Variants in STARD13 observed in about 807,000 individuals in gnomAD.
STARD13 encodes the protein StAR related lipid transfer domain containing 13, also known as stAR-related lipid transfer protein 13.
STARD13 carries 62 observed loss-of-function variants against 106.4 expected under a neutral mutation model. The ratio of observed to expected loss-of-function variants is 0.58; its 90% CI spans 0.48 to 0.72. The LOEUF (loss-of-function observed/expected upper bound fraction) is 0.72. STARD13 is among the 30% of genes least tolerant of loss of function. The pLI, the probability that STARD13 is intolerant of heterozygous loss-of-function variation, is 0.00. For missense variants in STARD13, 1,387 were observed against 1,424.0 expected (o/e 0.97, Z 0.42); for synonymous variants, 565 against 553.0 (o/e 1.02, Z -0.31).
the STARD13 span, among the ~76,000 whole-genome samples, chr13:33,525,076 C>T: frequency 3.3e-5 from 5 of 151,898 alleles, no homozygotes; most frequent in Admixed American, 1.3e-4. Flanking sequence ...GGCTGGAGTG[C>T]GGTGGCATGA....
chr13:33,355,243 A>G (rs1317189092), upstream of STARD13: 1 of 152,178 alleles, frequency 6.6e-6, no homozygotes, highest in Non-Finnish European at 1.5e-5. Context: ...CCCACCACCT[A>G]CACATCTGAA....
chr13:33,315,551 T>C (rs532212125), intron 1 of STARD13, among the ~76,000 whole-genome samples: 1 of 152,318 alleles, frequency 6.6e-6, no homozygotes, highest in African/African-American at 2.4e-5. Context: ...CAATGGTAAA[T>C]AGAAACTCTT....
chr13:33,369,908 G>A, the STARD13 span, among the ~76,000 whole-genome samples: 1 of 152,072 alleles, frequency 6.6e-6, no homozygotes. Flanking sequence ...TTCTCCAGAT[G>A]TTTCTAGTGT....
chr13:33,409,936 A>G, the STARD13 span, among the ~76,000 whole-genome samples: 13 of 152,222 alleles, frequency 8.5e-5, no homozygotes, highest in African/African-American at 1.2e-4. Flanking sequence ...AGCTTTTCCC[A>G]GCACATTCTC....
chr13:33,558,366 C>G, the STARD13 span, among the ~76,000 whole-genome samples: 20 of 152,048 alleles, frequency 1.3e-4, no homozygotes, highest in Non-Finnish European at 2.6e-4. Context: ...CTGGAAAGTA[C>G]TAGGGACAAT....
the STARD13 span, among the ~76,000 whole-genome samples, chr13:33,519,653 A>T: frequency 6.6e-6 from 1 of 151,980 alleles, no homozygotes; most frequent in Non-Finnish European, 1.5e-5. Context: ...CCATTACATA[A>T]TTTTTTTAGC....
chr13:33,427,996 C>T, the STARD13 span, among the ~76,000 whole-genome samples: 1 of 149,218 alleles, frequency 6.7e-6, no homozygotes, highest in Non-Finnish European at 1.5e-5. Flanking sequence ...ACCAATGGAA[C>T]AGAATAGAGA....
chr13:33,294,858 C>G (rs970808106), intron 1 of STARD13, among the ~76,000 whole-genome samples: 1 of 152,150 alleles, frequency 6.6e-6, no homozygotes, highest in Non-Finnish European at 1.5e-5. Context: ...GAAATGAACA[C>G]TTGCTCATTG....
At chr13:33,220,766 C>T (rs1888314015) in intron 1 of STARD13, among the ~76,000 whole-genome samples, 1 of 152,186 alleles carries the variant, frequency 6.6e-6, no homozygotes, top group African/African-American at 2.4e-5. Context: ...GACTGAAAGT[C>T]ATCCAGGTTC....
At chr13:33,199,103 T>A (rs1886836131) in intron 1 of STARD13, among the ~76,000 whole-genome samples, 1 of 152,236 alleles carries the variant, frequency 6.6e-6, no homozygotes, top group Non-Finnish European at 1.5e-5. Flanking sequence ...ATCTTGAGCA[T>A]CTGTTTCCTA....
intron 1 of STARD13, among the ~76,000 whole-genome samples, chr13:33,192,093 G>A (rs781071281): frequency 2.0e-5 from 3 of 152,140 alleles, no homozygotes; most frequent in Non-Finnish European, 2.9e-5. Flanking sequence ...CAATTAACCC[G>A]GTGTTAGGCA....
chr13:33,178,995 T>G (rs1318896117), intron 1 of STARD13, among the ~76,000 whole-genome samples: 1 of 152,250 alleles, frequency 6.6e-6, no homozygotes, highest in Non-Finnish European at 1.5e-5. Flanking sequence ...AAGGCAAGAC[T>G]ACTTTTGTAC....
the STARD13 span, among the ~76,000 whole-genome samples, chr13:33,637,967 A>T: frequency 9.2e-4 from 140 of 152,386 alleles, no homozygotes; most frequent in Non-Finnish European, 1.3e-3. Context: ...TTCATGAAAC[A>T]TCAGCTATTG....
the STARD13 span, among the ~76,000 whole-genome samples, chr13:33,414,032 C>CAAAAAAAAAAAAAA: frequency 8.3e-5 from 4 of 48,180 alleles, no homozygotes; most frequent in African/African-American, 1.8e-4. Flanking sequence ...GATTCCCTCT[C>CAAAAAAAAAAAAAA]AAAAAAAAAA....
At chr13:33,603,763 A>G in the STARD13 span, among the ~76,000 whole-genome samples, 1 of 152,222 alleles carries the variant, frequency 6.6e-6, no homozygotes, top group African/African-American at 2.4e-5. Context: ...CTGGATTCCC[A>G]TAGTTAAAAT....
chr13:33,524,046 A>G, the STARD13 span, among the ~76,000 whole-genome samples: 1,608 of 152,232 alleles, frequency 0.011, 34 homozygotes, highest in African/African-American at 0.036. Context: ...ATTAACAACT[A>G]TATATGTTCT....
chr13:33,637,001 G>GTTT, the STARD13 span, among the ~76,000 whole-genome samples: 14 of 152,140 alleles, frequency 9.2e-5, no homozygotes, highest in African/African-American at 3.4e-4. Flanking sequence ...TTCAATCTAG[G>GTTT]TTGTGAGCAA....
the STARD13 span, among the ~76,000 whole-genome samples, chr13:33,643,090 A>C: frequency 6.6e-6 from 1 of 151,216 alleles, no homozygotes; most frequent in Non-Finnish European, 1.5e-5. Context: ...TATAATACGA[A>C]ATGCATTGCT....
the STARD13 span, among the ~76,000 whole-genome samples, chr13:33,418,102 G>A: frequency 3.3e-5 from 5 of 152,282 alleles, no homozygotes; most frequent in East Asian, 9.6e-4. Context: ...AGTGGGTGCA[G>A]CCCATGAAGG....
Sources: gnomAD v4.1 joint callset for allele counts (sites outside exome capture counted in the v4.1 genomes callset) on GRCh38, gnomAD v4.1.1 for gene constraint, MANE v1.5 for transcripts, NCBI Gene and HGNC (gene_info 2026-07-23, HGNC 2026-07-21) for gene names.